The following WWTR1 variants were observed in gnomAD, a reference collection of about 807,000 sequenced individuals.
The protein encoded by WWTR1 is WW domain-containing transcription regulator protein 1.
WWTR1 carries 13 observed loss-of-function variants against 40.1 expected under a neutral mutation model. The ratio of observed to expected loss-of-function variants is 0.32; its 90% confidence interval spans 0.21 to 0.52. WWTR1 has a LOEUF of 0.52. Ranked by LOEUF, WWTR1 falls within the 20% of genes least tolerant of loss-of-function variation. The probability of loss-of-function intolerance (pLI) is 0.97; values close to 1 mark genes in which losing one functional copy is unlikely to be tolerated. For missense variants in WWTR1, 436 were observed against 523.1 expected (o/e 0.83, Z 1.63); for synonymous variants, 230 against 210.1 (o/e 1.09, Z -0.82).
chr3:149,679,078 G>A (rs886933412), intron 1 of WWTR1, among the ~76,000 whole-genome samples: 3 of 152,124 alleles, frequency 2.0e-5, no homozygotes, highest in East Asian at 1.9e-4. Context: ...TGATCTGCCC[G>A]CCTTGGCCTC....
chr3:149,548,251 A>C (rs1335291449), intron 3 of WWTR1, among the ~76,000 whole-genome samples: 1 of 152,176 alleles, frequency 6.6e-6, no homozygotes, highest in Non-Finnish European at 1.5e-5. Context: ...TTCAATCCTG[A>C]ACTTTTGCCT....
chr3:149,568,523 C>CAAAAAAAAAAAA lies in WWTR1; in HGVS notation c.568+4329_568+4340dup, dbSNP rs34414853. 5.6e-4 allele frequency among the ~76,000 whole-genome samples: 36 copies of CAAAAAAAAAAAA among 64,816 alleles called. 7 individuals are homozygous for CAAAAAAAAAAAA. The highest frequency in any genetic ancestry group is 6.8e-4 in the African/African-American group (14 of 20,630). 42.5% of individuals were successfully genotyped at this position (64,816 alleles called of 152,430 possible). A position where few individuals can be genotyped will look rare whatever the true frequency, so the allele number is the denominator to read the frequency against. On this transcript the variant is annotated intron_variant, in intron 3 of 6. Transcript: ENST00000360632. ...GGAGATGGCTATTTGAATTAAAGTGCAAAAAAAAAAAAAAAAAAAAAAAAA... is the reference window on the plus strand; with the variant it reads ...GGAGATGGCTATTTGAATTAAAGTGCAAAAAAAAAAAAAAAAAAAAAAAAAAAAAAAAAAAAA...
At chr3:149,540,325 G>A in intron 4 of WWTR1, 1 of 455,630 alleles carries the variant, frequency 2.2e-6, no homozygotes, top group Non-Finnish European at 4.4e-6. Context: ...CTGGTTCAAA[G>A]GCACCTACAG....
intron 2 of WWTR1, among the ~76,000 whole-genome samples, chr3:149,595,674 C>G (rs1738968201): frequency 6.6e-6 from 1 of 152,078 alleles, no homozygotes. Flanking sequence ...CTACTTGGTT[C>G]AAGTTTCCAA....
intron 2 of WWTR1, among the ~76,000 whole-genome samples, chr3:149,649,329 G>A (rs1712714838): frequency 6.6e-6 from 1 of 152,174 alleles, no homozygotes; most frequent in Admixed American, 6.5e-5. Context: ...TAGCTGAACT[G>A]GCTAAAGATC....
chr3:149,572,649 A>T (rs1240903212), intron 3 of WWTR1, among the ~76,000 whole-genome samples: 1 of 151,786 alleles, frequency 6.6e-6, no homozygotes, highest in Non-Finnish European at 1.5e-5. Context: ...GAGCCCCGCC[A>T]CCCCTTGATT....
At chr3:149,657,623 A>C (rs532489493) in intron 1 of WWTR1, 142 bp downstream of exon 1, 9 of 312,318 alleles carry the variant, frequency 2.9e-5, no homozygotes, top group African/African-American at 1.7e-4. Flanking sequence ...GGCAAAGGAA[A>C]GGTCGCACGA....
intron 2 of WWTR1, among the ~76,000 whole-genome samples, chr3:149,573,747 A>C (rs908950114): frequency 1.3e-5 from 2 of 152,226 alleles, no homozygotes; most frequent in African/African-American, 4.8e-5. Flanking sequence ...CCAGTTTGTT[A>C]CTGTGACTTA....
intron 3 of WWTR1, among the ~76,000 whole-genome samples, chr3:149,546,163 G>A (rs1276471397): frequency 6.6e-6 from 1 of 152,116 alleles, no homozygotes; most frequent in Non-Finnish European, 1.5e-5. Context: ...GGAAACACTG[G>A]TTTCTTCCAT....
At chr3:149,648,003 C>G (rs528782788) in intron 2 of WWTR1, among the ~76,000 whole-genome samples, 1 of 152,326 alleles carries the variant, frequency 6.6e-6, no homozygotes, top group African/African-American at 2.4e-5. Context: ...AAAACACACC[C>G]TCAGCATTTC....
upstream of WWTR1, chr3:149,658,155 C>T (rs1713376608): frequency 6.5e-6 from 1 of 154,108 alleles, no homozygotes; most frequent in African/African-American, 2.4e-5. Context: ...TCCTCTTCCT[C>T]CTCCTCCTCC....
chr3:149,709,523 G>A, intron 5 of WWTR1, among the ~76,000 whole-genome samples: 1 of 152,130 alleles, frequency 6.6e-6, no homozygotes, highest in East Asian at 1.9e-4. Flanking sequence ...GCTAGGTTAA[G>A]TAAAGAATTT....
chr3:149,628,736 TTTTTTATTTTATTTTA>T (rs1471962861), intron 2 of WWTR1, among the ~76,000 whole-genome samples: 10 of 144,202 alleles, frequency 6.9e-5, no homozygotes, highest in South Asian at 4.3e-4. Context: ...TCTTTTTATT[TTTTTTATTTTATTTTA>T]TTTTATTTTA....
intron 1 of WWTR1, among the ~76,000 whole-genome samples, chr3:149,677,766 G>A (rs1714318297): frequency 6.6e-6 from 1 of 152,024 alleles, no homozygotes; most frequent in Admixed American, 6.6e-5. Flanking sequence ...CTTGAATCTG[G>A]GAAGCAGAGG....
In WWTR1 at chr3:149,682,614, T is replaced by C. The variant is rs540128065; in HGVS notation, c.-107-12723A>G. ...ATTCAACATACAATATCGAATAGAC[T>C]GTAAATAAGCCTAAATTTCAAATGA... On this transcript the variant is annotated intron_variant, in intron 1 of 7. Transcript: ENST00000465804. 3.8e-3 allele frequency among the ~76,000 whole-genome samples: 586 copies of C among 152,320 alleles called. 2 individuals are homozygous for C. The highest frequency in any genetic ancestry group is 6.3e-3 in the Non-Finnish European group (431 of 68,024).
At chr3:149,601,381 A>G (rs1365605076) in intron 2 of WWTR1, among the ~76,000 whole-genome samples, 2 of 152,090 alleles carry the variant, frequency 1.3e-5, no homozygotes, top group Non-Finnish European at 2.9e-5. Flanking sequence ...TATTTTTAGT[A>G]AAGAGGGGGC....
chr3:149,715,967 G>A (rs1402402293), intron 5 of WWTR1, among the ~76,000 whole-genome samples: 2 of 152,168 alleles, frequency 1.3e-5, no homozygotes, highest in African/African-American at 4.8e-5. Flanking sequence ...TTATGGCATT[G>A]TCTTCCTAAG....
intron 2 of WWTR1, among the ~76,000 whole-genome samples, chr3:149,632,070 A>G (rs567894864): frequency 6.6e-6 from 1 of 152,088 alleles, no homozygotes; most frequent in East Asian, 1.9e-4. Context: ...ACCACTATCC[A>G]CAGCTAATTT....
chr3:149,667,178 A>AGAGTT (rs1713855335), intron 2 of WWTR1, among the ~76,000 whole-genome samples: 1 of 152,184 alleles, frequency 6.6e-6, no homozygotes, highest in African/African-American at 2.4e-5. Flanking sequence ...CTACTTTTTA[A>AGAGTT]GAGTTGTATT....
Sources: allele counts gnomAD v4.1 joint callset (sites outside exome capture counted in the v4.1 genomes callset), GRCh38; gene constraint gnomAD v4.1.1; transcripts MANE v1.5; gene names NCBI Gene and HGNC (gene_info 2026-07-23, HGNC 2026-07-21).